NOVA1: variants seen among roughly 807,000 people sequenced by gnomAD.
The protein encoded by NOVA1 is RNA-binding protein Nova-1.
Under a neutral mutation model 38.0 loss-of-function variants are expected in NOVA1, and 7 were observed. That is an observed-to-expected ratio of 0.18 (90% CI 0.10 to 0.35). NOVA1 has a LOEUF of 0.35. Ranked by LOEUF, NOVA1 falls within the 10% of genes least tolerant of loss-of-function variation. NOVA1 has a pLI of 1.00. For synonymous variants in NOVA1, 270 were observed against 232.5 expected, an observed-to-expected ratio of 1.16 and a Z score of -1.47; for missense variants, 460 against 616.0, an observed-to-expected ratio of 0.75 and a Z score of 2.68.
chr14:26,506,413 G>A (rs138613133), intron 2 of NOVA1, among the ~76,000 whole-genome samples: 5 of 152,152 alleles, frequency 3.3e-5, no homozygotes, highest in Admixed American at 1.3e-4. Flanking sequence ...TTTGCTTCAG[G>A]AAGCTCAAAA....
chr14:26,506,800 AAACTCC>A (rs1887669222), intron 2 of NOVA1, among the ~76,000 whole-genome samples: 1 of 152,010 alleles, frequency 6.6e-6, no homozygotes. Context: ...GGCTGGTCTC[AAACTCC>A]TGACCTCAGG....
intron 2 of NOVA1, among the ~76,000 whole-genome samples, chr14:26,501,848 A>G (rs1327857119): frequency 2.0e-5 from 3 of 151,984 alleles, no homozygotes; most frequent in Non-Finnish European, 4.4e-5. Context: ...CCCATTTACT[A>G]TGAATCAAAG....
At chr14:26,559,564 G>A (rs936019789) in intron 2 of NOVA1, among the ~76,000 whole-genome samples, 20 of 152,038 alleles carry the variant, frequency 1.3e-4, no homozygotes, top group African/African-American at 3.9e-4. Flanking sequence ...CAATAACAAA[G>A]AATGAAATCC....
intron 1 of NOVA1, chr14:26,595,936 C>T (rs1894158409): frequency 5.0e-6 from 2 of 401,040 alleles, no homozygotes; most frequent in South Asian, 3.8e-5. Context: ...GATGACAAAC[C>T]TTCACTTAAC....
intron 2 of NOVA1, among the ~76,000 whole-genome samples, chr14:26,567,633 C>T (rs1388530402): frequency 7.2e-5 from 11 of 152,054 alleles, no homozygotes; most frequent in African/African-American, 2.2e-4. Flanking sequence ...GTGGTTAGAG[C>T]ATCCCAATCT....
chr14:26,483,310 A>C (rs911522382), intron 2 of NOVA1, among the ~76,000 whole-genome samples: 10 of 152,148 alleles, frequency 6.6e-5, no homozygotes, highest in African/African-American at 2.4e-4. Flanking sequence ...CCCCTTACCT[A>C]CCAAGTCCAC....
At chr14:26,541,775 CACAGG>C (rs1890481640) in intron 2 of NOVA1, among the ~76,000 whole-genome samples, 1 of 151,640 alleles carries the variant, frequency 6.6e-6, no homozygotes, top group Admixed American at 6.6e-5. Flanking sequence ...CAGGGAAAAT[CACAGG>C]GATAAACAGT....
chr14:26,468,021 C>T lies in NOVA1; in HGVS notation c.519+4299G>A, dbSNP rs78857898. ...GGGACACATGACTTACTTCTCACTA[C>T]AAGAATATGGCAAAAGTGATGCAAT... On this transcript the variant is annotated intron_variant, in intron 4 of 4. Transcript: ENST00000539517. 3.3e-5 allele frequency among the ~76,000 whole-genome samples: 5 copies of T among 152,222 alleles called. No individual in the cohort carries two copies. In the East Asian group the frequency reaches 5.8e-4, roughly 18 times the overall value.
rs1883735828 is a variant in NOVA1, at chr14:26,462,156, A to G, written c.519+10164T>C. Reference sequence around the variant, plus strand: ...GTATACAATAACGTCCCAGGCCTTCACATTCACTAATTATATCTAAAAGGA... The same window carrying G: ...GTATACAATAACGTCCCAGGCCTTCGCATTCACTAATTATATCTAAAAGGA... On this transcript the variant is annotated intron_variant, in intron 4 of 4. Coordinates refer to ENST00000539517, the MANE Select transcript of NOVA1 (RefSeq NM_002515.3). 2.6e-5 allele frequency among the ~76,000 whole-genome samples: 4 copies of G among 152,190 alleles called. No individual in the cohort carries two copies. In the South Asian group the frequency reaches 8.3e-4, roughly 32 times the overall value.
intron 3 of NOVA1, among the ~76,000 whole-genome samples, chr14:26,475,940 C>A: frequency 6.6e-6 from 1 of 152,052 alleles, no homozygotes; most frequent in South Asian, 2.1e-4. Flanking sequence ...TCAAGAACCT[C>A]TGGTATTTAT....
At chr14:26,482,418 C>T (rs1309999125) in intron 2 of NOVA1, among the ~76,000 whole-genome samples, 1 of 151,762 alleles carries the variant, frequency 6.6e-6, no homozygotes, top group African/African-American at 2.4e-5. Context: ...AACACAAAAC[C>T]GTAATTTTTA....
chr14:26,509,289 T>A (rs1887876769), intron 2 of NOVA1, among the ~76,000 whole-genome samples: 1 of 152,144 alleles, frequency 6.6e-6, no homozygotes, highest in South Asian at 2.1e-4. Context: ...TAATCACAGT[T>A]ATATAGGATA....
intron 2 of NOVA1, among the ~76,000 whole-genome samples, chr14:26,553,922 G>A (rs1032642994): frequency 1.4e-4 from 21 of 151,836 alleles, no homozygotes; most frequent in Admixed American, 5.3e-4. Context: ...TGAGGTGGGC[G>A]GATCACTTGA....
chr14:26,507,295 A>C (rs1887713543), intron 2 of NOVA1, among the ~76,000 whole-genome samples: 1 of 152,128 alleles, frequency 6.6e-6, no homozygotes, highest in African/African-American at 2.4e-5. Flanking sequence ...ATAATGTCAA[A>C]ACTAGGTTTT....
intron 2 of NOVA1, among the ~76,000 whole-genome samples, chr14:26,481,404 GACAC>G (rs1566462779): frequency 6.6e-6 from 1 of 151,988 alleles, no homozygotes; most frequent in African/African-American, 2.4e-5. Flanking sequence ...TAAAGATTCT[GACAC>G]ACAGACCAAT....
At chr14:26,563,376 G>A (rs1034819645) in intron 2 of NOVA1, among the ~76,000 whole-genome samples, 2 of 143,742 alleles carry the variant, frequency 1.4e-5, no homozygotes, top group Admixed American at 7.0e-5. Context: ...AAAAATCAGA[G>A]AAACAGTAAG....
At chr14:26,524,197 T>C (rs1249817854) in intron 2 of NOVA1, among the ~76,000 whole-genome samples, 1 of 152,178 alleles carries the variant, frequency 6.6e-6, no homozygotes, top group East Asian at 1.9e-4. Context: ...AAGGAGGTTT[T>C]CTAAAACCTA....
intron 2 of NOVA1, among the ~76,000 whole-genome samples, chr14:26,498,262 T>C (rs1886969915): frequency 6.6e-6 from 1 of 151,856 alleles, no homozygotes; most frequent in Non-Finnish European, 1.5e-5. Context: ...GAAAGGGGGT[T>C]TCACTGTGTT....
intron 2 of NOVA1, among the ~76,000 whole-genome samples, chr14:26,545,748 T>G (rs528412093): frequency 2.6e-5 from 4 of 152,232 alleles, no homozygotes; most frequent in East Asian, 1.9e-4. Flanking sequence ...AATTTACACT[T>G]GATTAATAGC....
Sources: gnomAD v4.1 joint callset for allele counts (sites outside exome capture counted in the v4.1 genomes callset) on GRCh38, gnomAD v4.1.1 for gene constraint, MANE v1.5 for transcripts, NCBI Gene and HGNC (gene_info 2026-07-23, HGNC 2026-07-21) for gene names.